Variants in PLCB4 observed in about 807,000 individuals in gnomAD.
The protein encoded by PLCB4 is 1-phosphatidylinositol 4,5-bisphosphate phosphodiesterase beta-4.
In PLCB4, 77 loss-of-function variants were observed where a neutral mutation model predicts 178.8. The observed-to-expected ratio is 0.43, with a 90% CI of 0.36 to 0.52. The LOEUF is 0.52. Among genes scored for constraint, PLCB4 ranks in the 20% least tolerant of loss-of-function variants. PLCB4 has a pLI of 0.00. For missense variants in PLCB4, 1,024 were observed against 1,453.4 expected, an observed-to-expected ratio of 0.70 and a Z score of 4.80; for synonymous variants, 496 against 490.8, an observed-to-expected ratio of 1.01 and a Z score of -0.14.
At chr20:9,397,421 G>A (rs1490553341) in intron 19 of PLCB4, among the ~76,000 whole-genome samples, 1 of 152,126 alleles carries the variant, frequency 6.6e-6, no homozygotes, top group East Asian at 1.9e-4. Flanking sequence ...TATGAACGTT[G>A]ATATTTTTAC....
rs188252810 is a variant in PLCB4 at position 9,382,687 on chromosome 20, A to G, written c.854-1514A>G. Reference sequence around the variant, plus strand: ...ACCTCAGAAGGGCTTTCACTGGCCCATATTTAACACAGCATCCTGCCATGC... The same window carrying G: ...ACCTCAGAAGGGCTTTCACTGGCCCGTATTTAACACAGCATCCTGCCATGC... On this transcript the variant is annotated intron_variant, in intron 13 of 39. Transcript: ENST00000378473. 6.7e-4 allele frequency among the ~76,000 whole-genome samples: 102 copies of G among 152,322 alleles called. 2 individuals carry two copies. Among genetic ancestry groups the G allele is most frequent in the Non-Finnish European group, 5.9e-5 (4 of 68,026 alleles).
chr20:9,241,013 C>G (rs2094054376), intron 3 of PLCB4, among the ~76,000 whole-genome samples: 1 of 152,128 alleles, frequency 6.6e-6, no homozygotes, highest in African/African-American at 2.4e-5. Flanking sequence ...ATTTCTTCTT[C>G]AATTCTCTGT....
intron 2 of PLCB4, among the ~76,000 whole-genome samples, chr20:9,104,450 GAA>G: frequency 6.6e-6 from 1 of 152,236 alleles, no homozygotes; most frequent in African/African-American, 2.4e-5. Flanking sequence ...AAGTGTCAAA[GAA>G]TTTGGGGACC....
chr20:9,286,670 T>G (rs919834714), intron 3 of PLCB4, among the ~76,000 whole-genome samples: 2 of 152,046 alleles, frequency 1.3e-5, no homozygotes, highest in Non-Finnish European at 2.9e-5. Context: ...ACAGTGGGAT[T>G]CACAGTTATT....
At chr20:9,386,114 G>A (rs765251788) in intron 14 of PLCB4, among the ~76,000 whole-genome samples, 15 of 152,304 alleles carry the variant, frequency 9.8e-5, no homozygotes, top group African/African-American at 2.6e-4. Flanking sequence ...CCAGTCAGGC[G>A]TGGTGGCGCA....
rs149302595 is a variant in PLCB4, at chr20:9,204,815, G to A, written c.-78-12575G>A. On this transcript the variant is annotated intron_variant, in intron 2 of 39. Transcript: ENST00000378473. ...GCCCCGTAATGAAAGCCAGAGCCACGTGTGATCATTGAACATTTGAAATGG... is the reference window on the plus strand; with the variant it reads ...GCCCCGTAATGAAAGCCAGAGCCACATGTGATCATTGAACATTTGAAATGG... Among the ~76,000 whole-genome samples the A allele has an allele frequency of 1.2e-3, 189 of 152,052 alleles. 1 individual carries two copies. Among genetic ancestry groups the A allele is most frequent in the Middle Eastern group, 3.4e-3 (1 of 294 alleles).
chr20:9,268,340 T>G (rs931417604), intron 3 of PLCB4, among the ~76,000 whole-genome samples: 1 of 152,136 alleles, frequency 6.6e-6, no homozygotes, highest in Non-Finnish European at 1.5e-5. Flanking sequence ...TCTGCTGTGT[T>G]TGGTTTCATA....
chr20:9,421,604 G>C lies in PLCB4; in HGVS notation c.2319+143G>C. On this transcript the variant is annotated intron_variant, in intron 27 of 39. Transcript: ENST00000378473. ...CTCCTAATGGCTAACTTCTGTAGCT[G>C]TCATAGGATCATTGGTTCTATTTGG... 4.5e-6 allele frequency: 3 copies of C among 662,972 alleles called. No individual in the cohort carries two copies. In the South Asian group the frequency reaches 5.8e-5, roughly 13 times the overall value. 41.1% of individuals were successfully genotyped at this position (662,972 alleles called of 1,614,324 possible). A position where few individuals can be genotyped will look rare whatever the true frequency, so the allele number is the denominator to read the frequency against.
At chr20:9,129,123 G>A (rs959959222) in intron 2 of PLCB4, among the ~76,000 whole-genome samples, 2 of 152,076 alleles carry the variant, frequency 1.3e-5, no homozygotes, top group African/African-American at 4.8e-5. Context: ...AATAATGCTG[G>A]TATGAACATG....
chr20:9,234,912 A>G (rs991952817), intron 3 of PLCB4, among the ~76,000 whole-genome samples: 1 of 152,212 alleles, frequency 6.6e-6, no homozygotes, highest in African/African-American at 2.4e-5. Context: ...ATGCATTTAA[A>G]GTAAAGACCA....
intron 14 of PLCB4, among the ~76,000 whole-genome samples, chr20:9,386,601 A>G (rs1233268337): frequency 6.6e-6 from 1 of 152,068 alleles, no homozygotes; most frequent in Non-Finnish European, 1.5e-5. Context: ...ATTTTCTGAA[A>G]TGGCCAAAGT....
intron 3 of PLCB4, among the ~76,000 whole-genome samples, chr20:9,235,540 C>G (rs2093983826): frequency 6.6e-6 from 1 of 152,180 alleles, no homozygotes; most frequent in Admixed American, 6.5e-5. Context: ...AAAGACTGGT[C>G]TCTTTCCAAA....
chr20:9,432,269 T>C (rs1418081446), intron 28 of PLCB4, among the ~76,000 whole-genome samples: 1 of 152,238 alleles, frequency 6.6e-6, no homozygotes, highest in Non-Finnish European at 1.5e-5. Flanking sequence ...CTTTATTGAT[T>C]CTTTAATGTC....
At chr20:9,259,083 G>GA in intron 3 of PLCB4, among the ~76,000 whole-genome samples, 1 of 152,278 alleles carries the variant, frequency 6.6e-6, no homozygotes, top group East Asian at 1.9e-4. Context: ...GATTTTTGGG[G>GA]AACTCAGAAA....
intron 2 of PLCB4, among the ~76,000 whole-genome samples, chr20:9,097,626 T>G (rs1440472985): frequency 6.6e-6 from 1 of 152,204 alleles, no homozygotes; most frequent in Non-Finnish European, 1.5e-5. Context: ...TTCGTGATGC[T>G]GATGGCGTCT....
Position 9,241,520 on chromosome 20 carries a change from T to C in PLCB4, c.-16+24068T>C, listed in dbSNP as rs1053501195. On this transcript the variant is annotated intron_variant, in intron 3 of 39. Transcript: ENST00000378473. ...AGAAAAGGAAATGAAAGAAATGTGA[T>C]AATTGTTGACCAACACTGAATATAA... is the stretch of plus-strand genomic sequence containing the variant. Among the ~76,000 whole-genome samples, 30 of 152,124 alleles carry C rather than the reference T, an allele frequency of 2.0e-4. 1 individual carries two copies. Among genetic ancestry groups the C allele is most frequent in the African/African-American group, 6.5e-4 (27 of 41,426 alleles).
chr20:9,447,483 C>A (rs573235849), intron 32 of PLCB4, among the ~76,000 whole-genome samples: 1 of 152,282 alleles, frequency 6.6e-6, no homozygotes, highest in African/African-American at 2.4e-5. Context: ...CCAAGCAGAT[C>A]AAGCATAGTT....
At chr20:9,462,715 G>A (rs763512517) in intron 35 of PLCB4, among the ~76,000 whole-genome samples, 5 of 152,152 alleles carry the variant, frequency 3.3e-5, no homozygotes, top group African/African-American at 7.2e-5. Flanking sequence ...AAAGATTAGA[G>A]AAGAAAGAGT....
intron 3 of PLCB4, among the ~76,000 whole-genome samples, chr20:9,271,820 G>T (rs1410364654): frequency 6.6e-6 from 1 of 152,036 alleles, no homozygotes; most frequent in African/African-American, 2.4e-5. Flanking sequence ...AACTATATCA[G>T]TTGGGGCTTT....
Sources: allele counts gnomAD v4.1 joint callset (sites outside exome capture counted in the v4.1 genomes callset), GRCh38; gene constraint gnomAD v4.1.1; transcripts MANE v1.5; gene names NCBI Gene and HGNC (gene_info 2026-07-23, HGNC 2026-07-21).